The following KIAA0825 variants were observed in gnomAD, a reference collection of about 807,000 sequenced individuals.
The protein encoded by KIAA0825 is uncharacterized protein KIAA0825.
A neutral mutation model predicts 147.6 loss-of-function variants in KIAA0825; 119 were observed. The observed-to-expected ratio is 0.81, with a 90% confidence interval of 0.69 to 0.94. KIAA0825 has a LOEUF of 0.94. KIAA0825 is among the 40% of genes least tolerant of loss of function. The probability of loss-of-function intolerance (pLI) is 0.00; values close to 1 mark genes in which losing one functional copy is unlikely to be tolerated. For synonymous variants in KIAA0825, 470 were observed against 518.1 expected, an observed-to-expected ratio of 0.91 and a Z score of 1.26; for missense variants, 1,381 against 1,472.7, an observed-to-expected ratio of 0.94 and a Z score of 1.02.
At chr5:94,441,407 A>C (rs1447078748) in intron 13 of KIAA0825, among the ~76,000 whole-genome samples, 2 of 152,178 alleles carry the variant, frequency 1.3e-5, no homozygotes, top group East Asian at 3.8e-4. Context: ...ACCAATTAGC[A>C]TCCTCTTTCC....
chr5:94,166,504 G>GTTTTTTTTT lies in KIAA0825; in HGVS notation c.3711-12389_3711-12381dup. Among the ~76,000 whole-genome samples, 245 of 100,776 alleles carry GTTTTTTTTT rather than the reference G, an allele frequency of 2.4e-3. 5 individuals carry two copies. Among genetic ancestry groups the GTTTTTTTTT allele is most frequent in the Non-Finnish European group, 3.4e-3 (172 of 50,508 alleles). 66.1% of individuals were successfully genotyped at this position (100,776 alleles called of 152,430 possible). The stretch of plus-strand genomic sequence containing the variant: ...ATAATTCATGTCCTTCCTCTTGGTT[G>GTTTTTTTTT]TTTTTTTTTTTTTTTTTTTTTGAGA... On this transcript the variant is annotated intron_variant, in intron 20 of 20. Coordinates refer to ENST00000682413, the MANE Select transcript of KIAA0825 (RefSeq NM_001145678.3).
intron 20 of KIAA0825, among the ~76,000 whole-genome samples, chr5:94,326,932 C>A (rs1289654562): frequency 6.6e-6 from 1 of 152,078 alleles, no homozygotes; most frequent in Non-Finnish European, 1.5e-5. Context: ...GACATCATGA[C>A]AATAAGACAC....
At chr5:94,560,126 A>G (rs751242596) in intron 2 of KIAA0825, among the ~76,000 whole-genome samples, 37 of 152,166 alleles carry the variant, frequency 2.4e-4, no homozygotes, top group Non-Finnish European at 5.0e-4. Context: ...TCTCCCTCCT[A>G]TAACTTAATG....
chr5:94,170,222 C>A (rs1482716401), intron 20 of KIAA0825, among the ~76,000 whole-genome samples: 1 of 152,020 alleles, frequency 6.6e-6, no homozygotes, highest in Non-Finnish European at 1.5e-5. Context: ...TGGCGTGAAC[C>A]CAGGAGACAG....
intron 2 of KIAA0825, among the ~76,000 whole-genome samples, chr5:94,547,736 C>CAAAAA (rs144612994): frequency 6.3e-5 from 8 of 127,680 alleles, no homozygotes; most frequent in South Asian, 2.5e-4. Context: ...GACTCCCTTT[C>CAAAAA]AAAAAAAAAA....
chr5:94,411,665 T>TG (rs1367758074), intron 15 of KIAA0825, among the ~76,000 whole-genome samples: 17 of 152,270 alleles, frequency 1.1e-4, no homozygotes, highest in Admixed American at 1.0e-3. Context: ...ACTGATAAAC[T>TG]GGGCCAGGCG....
chr5:94,239,445 C>T (rs1454267382), intron 20 of KIAA0825, among the ~76,000 whole-genome samples: 1 of 152,138 alleles, frequency 6.6e-6, no homozygotes, highest in Non-Finnish European at 1.5e-5. Context: ...ATTCCTAGTA[C>T]AAAGTATTTT....
At chr5:94,367,459 T>C (rs530587335) in intron 20 of KIAA0825, among the ~76,000 whole-genome samples, 5 of 152,008 alleles carry the variant, frequency 3.3e-5, no homozygotes, top group African/African-American at 7.2e-5. Context: ...GATGGCACCA[T>C]TGCACTCCAG....
chr5:94,601,825 G>C (rs1158168519), intron 1 of KIAA0825, among the ~76,000 whole-genome samples: 1 of 152,088 alleles, frequency 6.6e-6, no homozygotes, highest in Non-Finnish European at 1.5e-5. Context: ...AAAGAGGACA[G>C]GTAGACAAGA....
chr5:94,605,685 T>C (rs1331904002), intron 1 of KIAA0825, among the ~76,000 whole-genome samples: 1 of 152,200 alleles, frequency 6.6e-6, no homozygotes, highest in Non-Finnish European at 1.5e-5. Flanking sequence ...TCTCAATAGA[T>C]GCAGAAAAGG....
intron 17 of KIAA0825, among the ~76,000 whole-genome samples, chr5:94,394,564 C>T (rs548596780): frequency 6.6e-6 from 1 of 152,186 alleles, no homozygotes; most frequent in African/African-American, 2.4e-5. Flanking sequence ...CTTATAGATT[C>T]TTGTATGTAC....
intron 11 of KIAA0825, among the ~76,000 whole-genome samples, chr5:94,462,890 T>C (rs17379159): frequency 0.1 from 15,108 of 151,812 alleles, 886 homozygotes; most frequent in Middle Eastern, 0.15. Context: ...GAAATTATAC[T>C]GAGCAAAACA....
intron 15 of KIAA0825, among the ~76,000 whole-genome samples, chr5:94,409,366 T>A (rs1157851451): frequency 6.6e-6 from 1 of 152,180 alleles, no homozygotes; most frequent in Admixed American, 6.5e-5. Context: ...TGTAATTGCC[T>A]TTAAAAGAAA....
chr5:94,320,080 AC>A (rs2150239627), intron 20 of KIAA0825, among the ~76,000 whole-genome samples: 1 of 152,106 alleles, frequency 6.6e-6, no homozygotes, highest in South Asian at 2.1e-4. Flanking sequence ...CCCTTGGATC[AC>A]ACAAATATTT....
chr5:94,575,990 T>C (rs926731057), intron 2 of KIAA0825, among the ~76,000 whole-genome samples: 1 of 152,076 alleles, frequency 6.6e-6, no homozygotes, highest in African/African-American at 2.4e-5. Context: ...AGGAGGAAAA[T>C]AGTGGTAAGA....
intron 2 of KIAA0825, among the ~76,000 whole-genome samples, chr5:94,542,259 T>C (rs1434915347): frequency 1.3e-5 from 2 of 152,250 alleles, no homozygotes; most frequent in Non-Finnish European, 2.9e-5. Context: ...CTGCATTGAC[T>C]AAACTAATAG....
intron 20 of KIAA0825, among the ~76,000 whole-genome samples, chr5:94,275,376 A>G (rs961741018): frequency 1.3e-5 from 2 of 152,168 alleles, no homozygotes. Context: ...ATACAATCTC[A>G]TTAAAACATA....
chr5:94,584,405 A>G (rs1228491814), intron 1 of KIAA0825, among the ~76,000 whole-genome samples: 4 of 152,232 alleles, frequency 2.6e-5, no homozygotes, highest in Admixed American at 1.3e-4. Context: ...ACAAGCTTCA[A>G]TAGCCGATTT....
In KIAA0825 at chr5:94,573,521, G is replaced by A. The variant is rs148308012; in HGVS notation, c.-2+8912C>T. 2.0e-4 allele frequency among the ~76,000 whole-genome samples: 30 copies of A among 152,174 alleles called. No individual in the cohort carries two copies. The East Asian group carries it at 3.7e-3, about 19-fold the overall frequency. On this transcript the variant is annotated intron_variant, in intron 2 of 20. Coordinates refer to ENST00000682413, the MANE Select transcript of KIAA0825 (RefSeq NM_001145678.3). ...TCCTGACCTCAAGTGATCCACCTGC[G>A]GAGGCCTCACAAAGTGCTGAGGTTA...
Sources: allele counts gnomAD v4.1 joint callset (sites outside exome capture counted in the v4.1 genomes callset), GRCh38; gene constraint gnomAD v4.1.1; transcripts MANE v1.5; gene names NCBI Gene and HGNC (gene_info 2026-07-23, HGNC 2026-07-21).